ZNF490: variants seen among roughly 807,000 people sequenced by gnomAD.
The protein encoded by ZNF490 is zinc finger protein 490.
In ZNF490, 11 loss-of-function variants were observed where a neutral mutation model predicts 17.7. That is an observed-to-expected ratio of 0.62 (90% CI 0.39 to 1.03). The LOEUF (loss-of-function observed/expected upper bound fraction) is 1.03, where lower values mean the gene tolerates loss of function less well. Among genes scored for constraint, ZNF490 ranks in the 50% least tolerant of loss-of-function variants. ZNF490 has a pLI of 0.00. For synonymous variants in ZNF490, 222 were observed against 216.1 expected (o/e 1.03, Z -0.24); for missense variants, 542 against 643.4 (o/e 0.84, Z 1.71).
rs560325669 is a variant in ZNF490 at position 12,580,039 on chromosome 19, G to A, written c.*446C>T. ...GGAGAATTGCTTGAATCCGGGAGGC[G>A]GAGGTTGCGGTGAGCCGCGATCGCA... On this transcript the variant is annotated 3_prime_UTR_variant, in exon 5 of 5. Transcript: ENST00000311437. 1.4e-4 allele frequency: 83 copies of A among 589,498 alleles called. 1 individual carries two copies. The highest frequency in any genetic ancestry group is 1.3e-3 in the South Asian group (17 of 13,316). 36.5% of individuals were successfully genotyped at this position (589,498 alleles called of 1,614,324 possible). A position where few individuals can be genotyped will look rare whatever the true frequency, so the allele number is the denominator to read the frequency against.
Position 12,588,110 on chromosome 19 carries a change from T to TCCGC in ZNF490, c.163-4558_163-4555dup, listed in dbSNP as rs372685913. Among the ~76,000 whole-genome samples the TCCGC allele has an allele frequency of 3.8e-4, 12 of 31,834 alleles. 4 individuals carry two copies. The highest frequency in any genetic ancestry group is 1.4e-3 in the Non-Finnish European group (10 of 7,170). The allele number at this position is 31,834 out of a possible 152,430, so 20.9% of individuals were successfully genotyped here. On this transcript the variant is annotated intron_variant, in intron 2 of 4. Coordinates refer to ENST00000311437, the MANE Select transcript of ZNF490 (RefSeq NM_020714.3). ...GTCTCAAACTCCTGACCTCAGGCGA[T>TCCGC]CCGCCTGCCTCCCAAAGTGCTGAGA...
Position 12,584,305 on chromosome 19 carries a change from T to C in ZNF490, c.163-749A>G, listed in dbSNP as rs1465420181. The stretch of plus-strand genomic sequence containing the variant: ...CCAAGTAGCTGGGACTACAGGCGCG[T>C]GCCACCACGCCCAGCTAATTTTTTG... On this transcript the variant is annotated intron_variant, in intron 2 of 4. Transcript: ENST00000311437. Among the ~76,000 whole-genome samples the C allele has an allele frequency of 1.6e-4, 14 of 87,644 alleles. 5 individuals carry two copies. The highest frequency in any genetic ancestry group is 3.2e-4 in the Admixed American group (3 of 9,252). 57.5% of individuals were successfully genotyped at this position (87,644 alleles called of 152,430 possible).
intron 2 of ZNF490, among the ~76,000 whole-genome samples, chr19:12,604,010 T>A (rs1260317248): frequency 6.6e-6 from 1 of 152,180 alleles, no homozygotes; most frequent in Non-Finnish European, 1.5e-5. Context: ...TTTGAAACTT[T>A]CAGCTCTGTC....
chr19:12,610,510 C>T, intron 1 of ZNF490, 54 bp downstream of exon 1: 1 of 1,381,030 alleles, frequency 7.2e-7, no homozygotes, highest in Non-Finnish European at 1.0e-6. Context: ...TGTTTATAAA[C>T]AAGGGTCACT....
chr19:12,596,238 C>A (rs951062706), intron 2 of ZNF490, among the ~76,000 whole-genome samples: 1 of 124,300 alleles, frequency 8.0e-6, no homozygotes, highest in Non-Finnish European at 1.6e-5. Context: ...GCACTCCAGT[C>A]TGGGCGACAG....
In ZNF490 at chr19:12,586,964, C is replaced by T. The variant is rs34413500; in HGVS notation, c.163-3408G>A. On this transcript the variant is annotated intron_variant, in intron 2 of 4. Transcript: ENST00000311437. ...ACATGCCTGTAATCCCAGCTACTCA[C>T]GAGGCAGGAGAATCACTTGAACTTG... 4.5e-5 allele frequency among the ~76,000 whole-genome samples: 4 copies of T among 89,130 alleles called. 2 individuals carry two copies. The highest frequency in any genetic ancestry group is 4.2e-4 in the Admixed American group (4 of 9,472). 58.5% of individuals were successfully genotyped at this position (89,130 alleles called of 152,430 possible).
At position 12,610,588 on chromosome 19, in the gene ZNF490, TC is replaced by T; in HGVS notation, c.92del (p.Gly31GlufsTer34). 6.2e-7 allele frequency: 1 copy of T among 1,613,978 alleles called. No individual in the cohort carries two copies. The highest frequency in any genetic ancestry group is 8.5e-7 in the Non-Finnish European group (1 of 1,179,984). On this transcript the variant is annotated frameshift_variant, in exon 1 of 5. Coordinates refer to ENST00000311437, the MANE Select transcript of ZNF490 (RefSeq NM_020714.3). LOFTEE classifies it high-confidence loss of function. ...CCTGGAGGACATCAGACCCTCCTGT[TC>T]CTGTGCGGCCTTGACTAGACGACCA... ...SKWSSSQGRT[G>X]TGGSDVLQMQ...
In ZNF490 at chr19:12,584,477, A is replaced by G. The variant is rs1406635740; in HGVS notation, c.163-921T>C. ...GGCCACCTTATTGCTCTTTAAATAC[A>G]GACCCAAGACCATCTTGGATATATG... On this transcript the variant is annotated intron_variant, in intron 2 of 4. Coordinates refer to ENST00000311437, the MANE Select transcript of ZNF490 (RefSeq NM_020714.3). Among the ~76,000 whole-genome samples the G allele has an allele frequency of 7.4e-5, 7 of 94,584 alleles. 3 individuals are homozygous for G. The highest frequency in any genetic ancestry group is 2.0e-4 in the Non-Finnish European group (7 of 35,054). 62.1% of individuals were successfully genotyped at this position (94,584 alleles called of 152,430 possible).
At chr19:12,583,779 C>CTATA in intron 2 of ZNF490, among the ~76,000 whole-genome samples, 2 of 98,302 alleles carry the variant, frequency 2.0e-5, no homozygotes, top group South Asian at 3.5e-4. Context: ...CTCTCTCTCT[C>CTATA]TCTCTCTCTC....
At chr19:12,608,461 T>G (rs547210145) in intron 2 of ZNF490, among the ~76,000 whole-genome samples, 1,723 of 29,610 alleles carry the variant, frequency 0.058, 41 homozygotes, top group African/African-American at 0.13. Flanking sequence ...ATTTATGTAT[T>G]TATTTATTTA....
At chr19:12,581,800 C>T in intron 4 of ZNF490, 76 bp from the exon 5 acceptor site, 1 of 1,320,810 alleles carries the variant, frequency 7.6e-7, no homozygotes, top group Non-Finnish European at 1.0e-6. Flanking sequence ...ACCAGAATTA[C>T]ATTTTAAATA....
Position 12,583,435 on chromosome 19 carries a change from C to T in ZNF490, c.284G>A (p.Cys95Tyr). Reference sequence around the variant, plus strand: ...AGAAATTATGTCACCCTTACCTATACAGGCCAGGTTCTTGAAGGTTGCCCG... The same window carrying T: ...AGAAATTATGTCACCCTTACCTATATAGGCCAGGTTCTTGAAGGTTGCCCG... ...VMRATFKNLA[C>Y]IGEKWKDQDI... Residue 95 changes from cysteine (C) to tyrosine (Y), a missense_variant, in exon 3 of 5, where the codon TGT becomes TAT. Transcript: ENST00000311437. 2 of 1,600,468 alleles carry T rather than the reference C, an allele frequency of 1.2e-6. No homozygotes were observed. Among genetic ancestry groups the T allele is most frequent in the Non-Finnish European group, 8.5e-7 (1 of 1,171,450 alleles).
intron 2 of ZNF490, 36 bp from the exon 3 acceptor site, chr19:12,583,592 A>G (rs781122261): frequency 1.3e-6 from 2 of 1,535,108 alleles, no homozygotes; most frequent in Non-Finnish European, 8.8e-7. Context: ...GGAGGAGGAG[A>G]GAGATTCGCA....
At chr19:12,600,881 A>C (rs1293893126) in intron 2 of ZNF490, among the ~76,000 whole-genome samples, 2 of 152,140 alleles carry the variant, frequency 1.3e-5, no homozygotes, top group Non-Finnish European at 2.9e-5. Flanking sequence ...ACTTAAGCCC[A>C]GGAGTTCCAG....
At chr19:12,600,192 C>T (rs1033244478) in intron 2 of ZNF490, among the ~76,000 whole-genome samples, 1 of 151,622 alleles carries the variant, frequency 6.6e-6, no homozygotes, top group African/African-American at 2.4e-5. Flanking sequence ...GAAACCCCGT[C>T]TCTACTAAAA....
Position 12,576,759 on chromosome 19 carries a change from G to A in ZNF490, c.*3726C>T, listed in dbSNP as rs1221000247. Among the ~76,000 whole-genome samples, 2 of 144,234 alleles carry A rather than the reference G, an allele frequency of 1.4e-5. No homozygotes were observed. The highest frequency in any genetic ancestry group is 4.1e-4 in the East Asian group (2 of 4,882). The allele number at this position is 144,234 out of a possible 152,430, so 94.6% of individuals were successfully genotyped here. On this transcript the variant is annotated 3_prime_UTR_variant, in exon 5 of 5. Coordinates refer to ENST00000311437, the MANE Select transcript of ZNF490 (RefSeq NM_020714.3). Reference sequence around the variant, plus strand: ...TTGAACCTGAGAAGTGGAGGTTGCAGTGAGCCAAGATTGTGCCACTGCACT... The same window carrying A: ...TTGAACCTGAGAAGTGGAGGTTGCAATGAGCCAAGATTGTGCCACTGCACT...
intron 2 of ZNF490, among the ~76,000 whole-genome samples, chr19:12,583,811 A>ATATATATATATT (rs1290469134): frequency 1.3e-5 from 1 of 78,654 alleles, no homozygotes. Context: ...ATATATATAT[A>ATATATATATATT]TTTTTTTTTT....
chr19:12,610,795 G>C lies in ZNF490; in HGVS notation c.-115C>G, dbSNP rs2023141470. The C allele has an allele frequency of 1.3e-5, 14 of 1,090,526 alleles. No individual in the cohort carries two copies. Among genetic ancestry groups the C allele is most frequent in the Non-Finnish European group, 1.8e-5 (13 of 726,008 alleles). The allele number at this position is 1,090,526 out of a possible 1,614,324, so 67.6% of individuals were successfully genotyped here. On this transcript the variant is annotated 5_prime_UTR_variant, in exon 1 of 5. Transcript: ENST00000311437. ...GGAGGGCACCAGTTCCGTCCCACCGGCGGAAGCGAGATCTGCCTAGCTACT... is the reference window on the plus strand; with the variant it reads ...GGAGGGCACCAGTTCCGTCCCACCGCCGGAAGCGAGATCTGCCTAGCTACT...
chr19:12,609,397 A>T (rs1484779386), intron 1 of ZNF490, among the ~76,000 whole-genome samples, 195 bp from the exon 2 acceptor site: 1 of 150,878 alleles, frequency 6.6e-6, no homozygotes, highest in Non-Finnish European at 1.5e-5. Flanking sequence ...TTTCTACTTT[A>T]AAAAAAAAAT....
Sources: gnomAD v4.1 joint callset for allele counts (sites outside exome capture counted in the v4.1 genomes callset) on GRCh38, gnomAD v4.1.1 for gene constraint, MANE v1.5 for transcripts, NCBI Gene and HGNC (gene_info 2026-07-23, HGNC 2026-07-21) for gene names.